TMTC1: variants seen among roughly 807,000 people sequenced by gnomAD.
The protein encoded by TMTC1 is transmembrane O-mannosyltransferase targeting cadherins 1.
A neutral mutation model predicts 104.8 loss-of-function variants in TMTC1; 73 were observed. That is an observed-to-expected ratio of 0.70 (90% CI 0.58 to 0.85). TMTC1 has a LOEUF of 0.85. Ranked by LOEUF, TMTC1 falls within the 40% of genes least tolerant of loss-of-function variation. TMTC1 has a pLI of 0.00. For synonymous variants in TMTC1, 434 were observed against 428.7 expected, an observed-to-expected ratio of 1.01 and a Z score of -0.15; for missense variants, 1,035 against 1,096.1, an observed-to-expected ratio of 0.94 and a Z score of 0.79.
rs116047440 is a variant in TMTC1 at position 29,645,172 on chromosome 12, T to C, written c.939-11836A>G. On this transcript the variant is annotated intron_variant, in intron 5 of 17. Coordinates refer to ENST00000539277, the MANE Select transcript of TMTC1 (RefSeq NM_001193451.2). ...ATAATGCCTTAGAATCTGGAAATAC[T>C]TGAATTTATACTTTCATTTCGGCCT... Among the ~76,000 whole-genome samples the C allele has an allele frequency of 7.0e-3, 1,063 of 152,342 alleles. 12 individuals are homozygous for C. Among genetic ancestry groups the C allele is most frequent in the African/African-American group, 0.024 (995 of 41,576 alleles).
intron 5 of TMTC1, among the ~76,000 whole-genome samples, chr12:29,717,115 T>G (rs983053531): frequency 6.6e-6 from 1 of 152,240 alleles, no homozygotes; most frequent in Non-Finnish European, 1.5e-5. Context: ...AAATCACTTT[T>G]AGTATTTATA....
intron 5 of TMTC1, among the ~76,000 whole-genome samples, chr12:29,702,613 A>C (rs1428247711): frequency 6.6e-6 from 1 of 152,170 alleles, no homozygotes; most frequent in Non-Finnish European, 1.5e-5. Flanking sequence ...GCTTTTCCAC[A>C]AAAGTGCATC....
At chr12:29,552,986 T>G (rs1945145564) in intron 10 of TMTC1, among the ~76,000 whole-genome samples, 1 of 152,196 alleles carries the variant, frequency 6.6e-6, no homozygotes, top group Admixed American at 6.5e-5. Context: ...GTTATCTAAG[T>G]GCTATTTTCT....
intron 8 of TMTC1, among the ~76,000 whole-genome samples, chr12:29,573,537 C>T (rs1310682241): frequency 6.6e-6 from 1 of 152,152 alleles, no homozygotes; most frequent in East Asian, 1.9e-4. Flanking sequence ...TACAAGATGA[C>T]ATGTAACAAT....
intron 11 of TMTC1, among the ~76,000 whole-genome samples, chr12:29,525,939 CT>C (rs1944331087): frequency 6.6e-6 from 1 of 152,190 alleles, no homozygotes; most frequent in South Asian, 2.1e-4. Flanking sequence ...GGGAAACACA[CT>C]TTCTAATAAT....
At chr12:29,680,025 T>A (rs2136710452) in intron 5 of TMTC1, among the ~76,000 whole-genome samples, 1 of 152,278 alleles carries the variant, frequency 6.6e-6, no homozygotes, top group Non-Finnish European at 1.5e-5. Flanking sequence ...AATCACTTTG[T>A]TTCTGGTAAT....
intron 7 of TMTC1, among the ~76,000 whole-genome samples, chr12:29,590,414 G>A (rs558719468): frequency 2.0e-5 from 3 of 152,286 alleles, no homozygotes; most frequent in South Asian, 2.1e-4. Flanking sequence ...ACTAATCAGC[G>A]TGATTCAATG....
intron 10 of TMTC1, among the ~76,000 whole-genome samples, chr12:29,552,980 T>C (rs1337036338): frequency 1.3e-5 from 2 of 152,238 alleles, no homozygotes; most frequent in East Asian, 3.8e-4. Context: ...AGCTCAGTTA[T>C]CTAAGTGCTA....
intron 7 of TMTC1, among the ~76,000 whole-genome samples, chr12:29,594,108 C>T (rs773382467): frequency 6.6e-5 from 10 of 152,248 alleles, no homozygotes; most frequent in African/African-American, 2.4e-4. Flanking sequence ...CAGCCTGGTT[C>T]GCGTGGTCTC....
At chr12:29,710,080 CTCTA>C (rs3042142) in intron 5 of TMTC1, among the ~76,000 whole-genome samples, 99,527 of 151,512 alleles carry the variant, frequency 0.66, 34,754 homozygotes, top group Middle Eastern at 0.79. Flanking sequence ...GGTAATGGGT[CTCTA>C]TCTGTCTCTA....
intron 6 of TMTC1, among the ~76,000 whole-genome samples, chr12:29,630,169 G>T (rs1040680802): frequency 1.3e-5 from 2 of 152,068 alleles, no homozygotes; most frequent in Non-Finnish European, 2.9e-5. Context: ...ATCATATAGG[G>T]TATTTAGTTT....
intron 8 of TMTC1, among the ~76,000 whole-genome samples, chr12:29,572,513 A>G (rs1237269103): frequency 6.6e-6 from 1 of 152,218 alleles, no homozygotes; most frequent in Non-Finnish European, 1.5e-5. Flanking sequence ...TGTGCCAGAG[A>G]CACAGCTGGA....
chr12:29,534,455 T>C (rs1430879115), intron 11 of TMTC1: 1 of 152,242 alleles, frequency 6.6e-6, no homozygotes, highest in Non-Finnish European at 1.5e-5. Flanking sequence ...ATAATGATCC[T>C]AGTCATCATT....
intron 2 of TMTC1, among the ~76,000 whole-genome samples, chr12:29,763,824 G>A (rs1943405259): frequency 6.6e-6 from 1 of 152,194 alleles, no homozygotes; most frequent in Non-Finnish European, 1.5e-5. Flanking sequence ...TCCAGGTGGA[G>A]GATACAAGAA....
chr12:29,713,300 T>TACACACACACACACAC (rs10574727), intron 5 of TMTC1, among the ~76,000 whole-genome samples: 2 of 134,406 alleles, frequency 1.5e-5, no homozygotes, highest in East Asian at 2.2e-4. Context: ...CATAAACACA[T>TACACACACACACACAC]ACACACACAC....
At chr12:29,715,158 C>G (rs1290723540) in intron 5 of TMTC1, among the ~76,000 whole-genome samples, 1 of 152,120 alleles carries the variant, frequency 6.6e-6, no homozygotes, top group Non-Finnish European at 1.5e-5. Flanking sequence ...TGGTTTCTAA[C>G]TGAATGCTTT....
At chr12:29,645,193 G>A (rs185353212) in intron 5 of TMTC1, among the ~76,000 whole-genome samples, 17 of 152,062 alleles carry the variant, frequency 1.1e-4, no homozygotes, top group African/African-American at 3.6e-4. Context: ...CTTTCATTTC[G>A]GCCTGGGGCA....
intron 5 of TMTC1, among the ~76,000 whole-genome samples, chr12:29,745,938 C>G (rs1942944702): frequency 6.6e-6 from 1 of 152,028 alleles, no homozygotes; most frequent in African/African-American, 2.4e-5. Context: ...CTATGCATGC[C>G]ATTGAAGAGA....
chr12:29,620,574 G>A (rs1442827551), intron 6 of TMTC1, among the ~76,000 whole-genome samples: 1 of 152,194 alleles, frequency 6.6e-6, no homozygotes, highest in Admixed American at 6.5e-5. Context: ...ATGTGGGAAG[G>A]TCAGTACAAT....
Sources: allele counts gnomAD v4.1 joint callset (sites outside exome capture counted in the v4.1 genomes callset), GRCh38; gene constraint gnomAD v4.1.1; transcripts MANE v1.5; gene names NCBI Gene and HGNC (gene_info 2026-07-23, HGNC 2026-07-21).